DNAH11: variants seen among roughly 807,000 people sequenced by gnomAD.
The protein encoded by DNAH11 is axonemal beta dynein heavy chain 11.
DNAH11 carries 442 observed loss-of-function variants against 526.0 expected under a neutral mutation model. The ratio of observed to expected loss-of-function variants is 0.84; its 90% CI spans 0.78 to 0.91. DNAH11 has a LOEUF of 0.91. Among genes scored for constraint, DNAH11 ranks in the 40% least tolerant of loss-of-function variants. The pLI, the probability that DNAH11 is intolerant of heterozygous loss-of-function variation, is 0.00. For synonymous variants in DNAH11, 2,461 were observed against 1,935.9 expected, an observed-to-expected ratio of 1.27 and a Z score of -7.12; for missense variants, 6,989 against 5,448.7, an observed-to-expected ratio of 1.28 and a Z score of -8.90.
intron 20 of DNAH11, among the ~76,000 whole-genome samples, chr7:21,611,869 C>G (rs967876988): frequency 1.1e-4 from 16 of 152,140 alleles, no homozygotes; most frequent in Non-Finnish European, 1.6e-4. Flanking sequence ...TAACATAACT[C>G]TAGTTATTTA....
At chr7:21,879,091 G>T (rs916346784) in intron 74 of DNAH11, among the ~76,000 whole-genome samples, 4 of 152,102 alleles carry the variant, frequency 2.6e-5, no homozygotes, top group African/African-American at 7.2e-5. Context: ...TTTTATGGCT[G>T]TTGGGCCATA....
chr7:21,583,251 G>GA (rs1181197461), intron 9 of DNAH11, among the ~76,000 whole-genome samples: 1 of 152,016 alleles, frequency 6.6e-6, no homozygotes, highest in African/African-American at 2.4e-5. Flanking sequence ...TAGACCAATG[G>GA]AACAGAACAG....
chr7:21,659,143 A>G (rs767057308), intron 30 of DNAH11, 112 bp downstream of exon 30: 96 of 912,990 alleles, frequency 1.1e-4, no homozygotes, highest in Non-Finnish European at 1.4e-4. Flanking sequence ...GCAAAATACT[A>G]TGCTGGGAAG....
At chr7:21,588,476 C>G in intron 10 of DNAH11, 36 bp from the exon 11 acceptor site, 1 of 1,609,756 alleles carries the variant, frequency 6.2e-7, no homozygotes, top group Non-Finnish European at 8.5e-7. Flanking sequence ...ACTAAATGTT[C>G]CCTTTCTTCC....
At chr7:21,558,450 G>C (rs1288771549) in intron 2 of DNAH11, among the ~76,000 whole-genome samples, 1 of 152,194 alleles carries the variant, frequency 6.6e-6, no homozygotes, top group Non-Finnish European at 1.5e-5. Context: ...GATTCAGAAA[G>C]ATTGTTTTCA....
At chr7:21,722,542 G>A (rs1022031031) in intron 44 of DNAH11, among the ~76,000 whole-genome samples, 2 of 151,962 alleles carry the variant, frequency 1.3e-5, no homozygotes, top group African/African-American at 4.8e-5. Context: ...TCCACTTCTC[G>A]CCACTAGGTT....
intron 69 of DNAH11, among the ~76,000 whole-genome samples, chr7:21,863,235 G>A (rs182258056): frequency 6.4e-4 from 97 of 152,258 alleles, no homozygotes; most frequent in Non-Finnish European, 1.1e-3. Flanking sequence ...TACCTATTCT[G>A]TGTGTGCCAA....
chr7:21,847,280 C>A (rs1782455062), intron 66 of DNAH11, among the ~76,000 whole-genome samples: 1 of 152,078 alleles, frequency 6.6e-6, no homozygotes, highest in Non-Finnish European at 1.5e-5. Context: ...TAGATAAATA[C>A]CTTTAGGTTT....
At chr7:21,615,541 TAAATA>T (rs1785731201) in intron 21 of DNAH11, among the ~76,000 whole-genome samples, 1 of 151,332 alleles carries the variant, frequency 6.6e-6, no homozygotes, top group African/African-American at 2.4e-5. Context: ...GTAAAGAATA[TAAATA>T]AAATAAAAAT....
At chr7:21,851,733 C>G in intron 66 of DNAH11, 1 of 459,186 alleles carries the variant, frequency 2.2e-6, no homozygotes, top group South Asian at 1.6e-5. Flanking sequence ...TCCCGAGAAG[C>G]TGTGATTCTC....
At chr7:21,747,956 C>G (rs1286569292) in intron 51 of DNAH11, among the ~76,000 whole-genome samples, 2 of 152,144 alleles carry the variant, frequency 1.3e-5, no homozygotes, top group East Asian at 1.9e-4. Flanking sequence ...ATTTTGAAGC[C>G]CTTAACACAA....
rs138976556 is a variant in DNAH11, at chr7:21,666,417, A to T, written c.5328+7386A>T. Among the ~76,000 whole-genome samples the T allele has an allele frequency of 1.1e-3, 161 of 152,190 alleles. 1 individual carries two copies. The East Asian group carries it at 0.028, about 26-fold the overall frequency. Reference sequence around the variant, plus strand: ...AGCTGTGTGAAAATCATCAAAAGAGAGATAGAAGTGTTTTAAACTTTAAAA... The same window carrying T: ...AGCTGTGTGAAAATCATCAAAAGAGTGATAGAAGTGTTTTAAACTTTAAAA... On this transcript the variant is annotated intron_variant, in intron 30 of 81. Transcript: ENST00000409508.
chr7:21,544,131 C>A (rs1229679158), intron 1 of DNAH11, among the ~76,000 whole-genome samples: 3 of 152,190 alleles, frequency 2.0e-5, no homozygotes, highest in Non-Finnish European at 4.4e-5. Flanking sequence ...GGGAACAGTT[C>A]CCTCCTTTCT....
chr7:21,719,796 G>A (rs73275617), intron 43 of DNAH11, among the ~76,000 whole-genome samples: 2,006 of 152,304 alleles, frequency 0.013, 46 homozygotes, highest in African/African-American at 0.045. Flanking sequence ...GATCGCTTGC[G>A]TTGCTGTGTG....
chr7:21,716,870 C>A (rs555409640), intron 42 of DNAH11, among the ~76,000 whole-genome samples: 82 of 152,246 alleles, frequency 5.4e-4, no homozygotes, highest in African/African-American at 1.9e-3. Flanking sequence ...TTAATAAACT[C>A]TATTGTGAAG....
At chr7:21,899,241 A>C in intron 79 of DNAH11, 95 bp from the exon 80 acceptor site, 1 of 940,992 alleles carries the variant, frequency 1.1e-6, no homozygotes, top group Non-Finnish European at 1.8e-6. Context: ...CTTCTCCTCC[A>C]CCACCACCCT....
At chr7:21,727,136 T>C (rs1157860677) in intron 45 of DNAH11, among the ~76,000 whole-genome samples, 1 of 151,392 alleles carries the variant, frequency 6.6e-6, no homozygotes, top group Admixed American at 6.6e-5. Flanking sequence ...GGTTTCACCG[T>C]GTTAGCCAGG....
At chr7:21,597,482 A>C (rs1784901360) in intron 14 of DNAH11, among the ~76,000 whole-genome samples, 2 of 152,128 alleles carry the variant, frequency 1.3e-5, no homozygotes, top group African/African-American at 4.8e-5. Context: ...GATTTAATTG[A>C]CTCGCAGTTC....
intron 55 of DNAH11, among the ~76,000 whole-genome samples, chr7:21,773,341 CTTT>C (rs200549631): frequency 7.9e-6 from 1 of 126,666 alleles, no homozygotes. Flanking sequence ...TAAGTTTTGG[CTTT>C]TTTTTTTTTT....
Sources: allele counts gnomAD v4.1 joint callset (sites outside exome capture counted in the v4.1 genomes callset), GRCh38; gene constraint gnomAD v4.1.1; transcripts MANE v1.5; gene names NCBI Gene and HGNC (gene_info 2026-07-23, HGNC 2026-07-21).